Variants in FBXO34 observed in about 807,000 individuals in gnomAD.
FBXO34 encodes the protein F-box protein 34.
A neutral mutation model predicts 24.5 loss-of-function variants in FBXO34; 12 were observed. The ratio of observed to expected loss-of-function variants is 0.49; its 90% CI spans 0.31 to 0.79. The LOEUF (loss-of-function observed/expected upper bound fraction) is 0.79. FBXO34 is among the 30% of genes least tolerant of loss of function. The pLI, the probability that FBXO34 is intolerant of heterozygous loss-of-function variation, is 0.04. For missense variants in FBXO34, 823 were observed against 857.7 expected, an observed-to-expected ratio of 0.96 and a Z score of 0.51; for synonymous variants, 320 against 311.9, an observed-to-expected ratio of 1.03 and a Z score of -0.27.
rs1228622092 is a variant in FBXO34, at chr14:55,351,713, C to T, written c.1323C>T (p.Ser441=). ...AVDCMSRELV[S]LTSRNPDQRK... ...ATTGTATGAGCAGAGAGCTTGTGTC[C>T]CTTACTAGCCGAAATCCTGATCAAA... Residue 441 remains serine (S), a synonymous_variant, in exon 2 of 2, where the codon TCC becomes TCT. Transcript: ENST00000313833. 3 of 1,614,048 alleles carry T rather than the reference C, an allele frequency of 1.9e-6. No individual in the cohort carries two copies. The highest frequency in any genetic ancestry group is 2.5e-6 in the Non-Finnish European group (3 of 1,180,048).
At chr14:55,385,886 G>A in the FBXO34 span, 1 of 1,612,306 alleles carries the variant, frequency 6.2e-7, no homozygotes, top group South Asian at 1.1e-5. Context: ...TTCCTCGATT[G>A]GAAAAATGAC....
the FBXO34 span, chr14:55,395,928 A>G: frequency 6.4e-7 from 1 of 1,572,006 alleles, no homozygotes. Flanking sequence ...AAGAACATGT[A>G]TTACAACTTA....
At chr14:55,428,555 G>C in the FBXO34 span, among the ~76,000 whole-genome samples, 7 of 152,246 alleles carry the variant, frequency 4.6e-5, no homozygotes, top group African/African-American at 1.7e-4. Context: ...AAGAAACCCA[G>C]CCAGAGATGT....
In FBXO34 at chr14:55,351,831, A is replaced by T. The variant is rs1293692323; in HGVS notation, c.1441A>T (p.Met481Leu). The change falls in exon 2 of 2, where the codon ATG becomes TTG. Residue 481 changes from methionine to leucine, a missense_variant. Coordinates refer to ENST00000313833, the MANE Select transcript of FBXO34 (RefSeq NM_017943.4). ...CTCCTGTGAAGACCCAGTTCCAGGG[A>T]TGTTGTTTTTTTTGCCACCTGGTCA... is the stretch of plus-strand genomic sequence containing the variant. ...LNSCEDPVPG[M>L]LFFLPPGQHL... The T allele has an allele frequency of 2.5e-6, 4 of 1,614,014 alleles. No individual in the cohort carries two copies. The highest frequency in any genetic ancestry group is 3.4e-6 in the Non-Finnish European group (4 of 1,180,030).
At chr14:55,273,674 T>G (rs1397949954) in intron 1 of FBXO34, among the ~76,000 whole-genome samples, 1 of 152,196 alleles carries the variant, frequency 6.6e-6, no homozygotes, top group Non-Finnish European at 1.5e-5. Flanking sequence ...ACCTTTAAGA[T>G]GAAAGAATCT....
At chr14:55,380,501 G>T in the FBXO34 span, 4 of 993,720 alleles carry the variant, frequency 4.0e-6, no homozygotes, top group South Asian at 3.2e-5. Context: ...TGGTTTATTG[G>T]AATAAATAAA....
intron 1 of FBXO34, among the ~76,000 whole-genome samples, chr14:55,314,880 C>A (rs1331566420): frequency 6.6e-6 from 1 of 152,200 alleles, no homozygotes; most frequent in South Asian, 2.1e-4. Context: ...TTCATCCCCC[C>A]ACTTCTCCCT....
At chr14:55,282,137 C>T (rs1467647122) in intron 1 of FBXO34, among the ~76,000 whole-genome samples, 2 of 151,964 alleles carry the variant, frequency 1.3e-5, no homozygotes, top group South Asian at 2.1e-4. Context: ...GCTGGGACTA[C>T]AGGCGCATGC....
rs1472420341 is a variant in FBXO34 at position 55,351,781 on chromosome 14, A to G, written c.1391A>G (p.Asp464Gly). 1.2e-6 allele frequency: 2 copies of G among 1,614,082 alleles called. No homozygotes were observed. Among genetic ancestry groups the G allele is most frequent in the African/African-American group, 2.7e-5 (2 of 74,912 alleles). Residue 464 changes from aspartate (D) to glycine (G), a missense_variant, in exon 2 of 2, where the codon GAC (aspartate) becomes GGC (glycine). By Grantham distance (94) the Asp-to-Gly change is moderately conservative. Around this residue, in one of 2 missense-constraint regions of FBXO34, gnomAD observed 693 missense variants for 659.1 expected, o/e 1.05. Coordinates refer to ENST00000313833, the MANE Select transcript of FBXO34 (RefSeq NM_017943.4). Reference protein sequence around the residue: ...LCISITVSKVDKDQPSILNSC... With the variant: ...LCISITVSKVGKDQPSILNSC... ...ATTAGTATCACTGTGTCCAAGGTAG[A>G]CAAAGACCAGCCTTCCATTTTAAAC...
intron 1 of FBXO34, among the ~76,000 whole-genome samples, chr14:55,304,070 A>G (rs1228665203): frequency 1.3e-5 from 2 of 152,072 alleles, no homozygotes; most frequent in African/African-American, 4.8e-5. Flanking sequence ...TTACAGTGAC[A>G]TGTGTGCGGT....
At chr14:55,424,860 T>G in the FBXO34 span, among the ~76,000 whole-genome samples, 1 of 152,294 alleles carries the variant, frequency 6.6e-6, no homozygotes, top group South Asian at 2.1e-4. Context: ...ATGATAGCAC[T>G]TAAGAGCTTC....
chr14:55,350,879 G>A lies in FBXO34; in HGVS notation c.489G>A (p.Gln163=), dbSNP rs1275112728. The A allele has an allele frequency of 1.2e-6, 2 of 1,613,880 alleles. No homozygotes were observed. The highest frequency in any genetic ancestry group is 1.7e-5 in the Admixed American group (1 of 59,944). The change falls in exon 2 of 2, where the codon CAG becomes CAA. Residue 163 remains glutamine, a synonymous_variant. Transcript: ENST00000313833. ...KSGDLKKAKV[Q]VERMREVNSR... ...GGGATCTTAAAAAAGCCAAGGTACAGGTGGAAAGGATGAGGGAGGTTAACA... is the reference window on the plus strand; with the variant it reads ...GGGATCTTAAAAAAGCCAAGGTACAAGTGGAAAGGATGAGGGAGGTTAACA...
chr14:55,325,263 A>T (rs1394434254), intron 1 of FBXO34, among the ~76,000 whole-genome samples: 1 of 152,128 alleles, frequency 6.6e-6, no homozygotes, highest in Non-Finnish European at 1.5e-5. Context: ...TAGTTACTTT[A>T]GTGGATTTTT....
chr14:55,411,626 T>G, the FBXO34 span: 1 of 1,611,996 alleles, frequency 6.2e-7, no homozygotes, highest in East Asian at 2.2e-5. Context: ...GCCGTCGAAG[T>G]AGACGAAATC....
At chr14:55,387,491 G>T in the FBXO34 span, among the ~76,000 whole-genome samples, 1 of 152,072 alleles carries the variant, frequency 6.6e-6, no homozygotes, top group South Asian at 2.1e-4. Flanking sequence ...AATGTGTTCA[G>T]ACTCTTCTGA....
chr14:55,273,816 GT>G (rs985305565), intron 1 of FBXO34, among the ~76,000 whole-genome samples: 2 of 152,062 alleles, frequency 1.3e-5, no homozygotes, highest in Non-Finnish European at 2.9e-5. Flanking sequence ...TTTTTTGTAT[GT>G]TTTTTTGAAA....
chr14:55,271,693 C>G (rs1284484136), intron 1 of FBXO34, among the ~76,000 whole-genome samples, 156 bp downstream of exon 1: 1 of 150,216 alleles, frequency 6.7e-6, no homozygotes, highest in Non-Finnish European at 1.5e-5. Context: ...CCCGCGGGTC[C>G]GGGGTAGGGA....
intron 1 of FBXO34, among the ~76,000 whole-genome samples, chr14:55,293,335 AC>A (rs1594731275): frequency 6.6e-6 from 1 of 151,406 alleles, no homozygotes; most frequent in Admixed American, 6.6e-5. Context: ...GTGCCACCAC[AC>A]CCAGCTAATT....
At chr14:55,338,258 C>T (rs148474508) in intron 1 of FBXO34, among the ~76,000 whole-genome samples, 2,570 of 151,502 alleles carry the variant, frequency 0.017, 76 homozygotes, top group African/African-American at 0.06. Flanking sequence ...ACTGTGTTAG[C>T]CAGGATGGTC....
Sources: allele counts gnomAD v4.1 joint callset (sites outside exome capture counted in the v4.1 genomes callset), GRCh38; gene constraint gnomAD v4.1.1; regional missense constraint gnomAD v4.1.1; transcripts MANE v1.5; gene names NCBI Gene and HGNC (gene_info 2026-07-23, HGNC 2026-07-21).